The following MAP4 variants were observed in gnomAD, a reference collection of about 807,000 sequenced individuals.
MAP4 encodes microtubule associated protein 4.
Under a neutral mutation model 170.2 loss-of-function variants are expected in MAP4, and 76 were observed. The observed-to-expected ratio is 0.45, with a 90% CI of 0.37 to 0.54. The LOEUF is 0.54. Ranked by LOEUF, MAP4 falls within the 20% of genes least tolerant of loss-of-function variation. The probability of loss-of-function intolerance (pLI) is 0.00; values close to 1 mark genes in which losing one functional copy is unlikely to be tolerated. For missense variants in MAP4, 2,506 were observed against 2,748.0 expected (o/e 0.91, Z 1.97); for synonymous variants, 909 against 994.5 (o/e 0.91, Z 1.62).
At chr3:48,034,998 G>C (rs1203378058) in intron 1 of MAP4, among the ~76,000 whole-genome samples, 3 of 152,070 alleles carry the variant, frequency 2.0e-5, no homozygotes, top group Non-Finnish European at 4.4e-5. Flanking sequence ...GGGAGACAGA[G>C]AGTGAGACAC....
intron 1 of MAP4, among the ~76,000 whole-genome samples, chr3:48,044,857 G>A (rs921672724): frequency 6.6e-5 from 10 of 152,088 alleles, no homozygotes; most frequent in African/African-American, 2.2e-4. Context: ...GCTGAGGCAG[G>A]AGAATTGCTT....
chr3:48,037,675 G>A (rs1416389670), intron 1 of MAP4, among the ~76,000 whole-genome samples: 1 of 152,064 alleles, frequency 6.6e-6, no homozygotes, highest in African/African-American at 2.4e-5. Flanking sequence ...GATTACAGGT[G>A]TGAACCACAG....
intron 1 of MAP4, among the ~76,000 whole-genome samples, chr3:48,066,892 G>A (rs1450496293): frequency 3.3e-5 from 4 of 121,980 alleles, no homozygotes; most frequent in South Asian, 5.4e-4. Context: ...CCAGGCTGGA[G>A]AGCAGTGGTA....
intron 1 of MAP4, among the ~76,000 whole-genome samples, chr3:48,006,411 T>G: frequency 6.6e-6 from 1 of 152,120 alleles, no homozygotes; most frequent in East Asian, 1.9e-4. Context: ...AACTAGGGGC[T>G]CATGGAAGTC....
intron 1 of MAP4, among the ~76,000 whole-genome samples, chr3:48,070,473 TTC>T (rs763300102): frequency 6.6e-6 from 1 of 152,002 alleles, no homozygotes; most frequent in East Asian, 1.9e-4. Context: ...TCTTTATCTG[TTC>T]TGAGTTTTTT....
At chr3:48,011,299 C>T (rs532205070) in intron 1 of MAP4, among the ~76,000 whole-genome samples, 12 of 152,182 alleles carry the variant, frequency 7.9e-5, no homozygotes, top group African/African-American at 2.9e-4. Context: ...GAGGCCAAGG[C>T]GGGTGGATCA....
intron 3 of MAP4, 82 bp downstream of exon 3, chr3:47,977,783 T>C (rs1222101360): frequency 2.9e-5 from 27 of 924,794 alleles, no homozygotes; most frequent in Non-Finnish European, 4.0e-5. Context: ...CTTCCATTAA[T>C]AATGCTCTTC....
chr3:48,061,496 C>A (rs2100135242), intron 1 of MAP4, among the ~76,000 whole-genome samples: 2 of 152,328 alleles, frequency 1.3e-5, no homozygotes, highest in South Asian at 2.1e-4. Flanking sequence ...ACTCAGTGCT[C>A]AATGTTGCCC....
chr3:48,000,277 CATTCAA>C (rs924695905), intron 1 of MAP4, among the ~76,000 whole-genome samples: 1 of 147,480 alleles, frequency 6.8e-6, no homozygotes, highest in African/African-American at 2.5e-5. Context: ...AATTGGGCAC[CATTCAA>C]ATGCAGGGCA....
At chr3:47,942,078 T>TA (rs1305967119) in intron 3 of MAP4, among the ~76,000 whole-genome samples, 2 of 152,142 alleles carry the variant, frequency 1.3e-5, no homozygotes, top group African/African-American at 4.8e-5. Context: ...CTCACACTTC[T>TA]AGCCTCCTAC....
rs145984524 is a variant in MAP4, at chr3:47,995,531, G to A, written c.223+3107C>T. Among the ~76,000 whole-genome samples, 647 of 152,164 alleles carry A rather than the reference G, an allele frequency of 4.3e-3. 5 individuals carry two copies. Among genetic ancestry groups the A allele is most frequent in the African/African-American group, 0.014 (590 of 41,524 alleles). On this transcript the variant is annotated intron_variant, in intron 2 of 20. Coordinates refer to ENST00000683076, the MANE Select transcript of MAP4 (RefSeq NM_001385682.1). Reference sequence around the variant, plus strand: ...CTCCCAAAGTGCTGGGATTACAGGCGTGAGCCACTGCACCTGGTCTGGAGT... The same window carrying A: ...CTCCCAAAGTGCTGGGATTACAGGCATGAGCCACTGCACCTGGTCTGGAGT...
At chr3:48,050,598 T>C (rs1252265414) in intron 1 of MAP4, among the ~76,000 whole-genome samples, 1 of 141,792 alleles carries the variant, frequency 7.1e-6, no homozygotes, top group Non-Finnish European at 1.5e-5. Context: ...CAATTTATCA[T>C]AAACTTAAAA....
chr3:48,066,095 T>C (rs1165268448), intron 1 of MAP4, among the ~76,000 whole-genome samples: 1 of 152,148 alleles, frequency 6.6e-6, no homozygotes, highest in Non-Finnish European at 1.5e-5. Flanking sequence ...TATATACCTA[T>C]ATAGTATATC....
chr3:48,045,849 C>T (rs755272884), intron 1 of MAP4, among the ~76,000 whole-genome samples: 1 of 152,292 alleles, frequency 6.6e-6, no homozygotes, highest in Admixed American at 6.5e-5. Flanking sequence ...CTGCAATAGA[C>T]ATCTTTTCTA....
chr3:47,949,030 T>C (rs908553890), intron 3 of MAP4, among the ~76,000 whole-genome samples: 9 of 152,194 alleles, frequency 5.9e-5, no homozygotes, highest in African/African-American at 2.2e-4. Context: ...AGTTTTTCTT[T>C]CACTAATTTG....
chr3:48,029,157 G>A (rs548552812), intron 1 of MAP4, among the ~76,000 whole-genome samples: 3 of 151,838 alleles, frequency 2.0e-5, no homozygotes, highest in South Asian at 2.1e-4. Context: ...AATTAAATAA[G>A]CCAGGTGGGG....
At chr3:47,936,903 C>T (rs369849270) in intron 3 of MAP4, among the ~76,000 whole-genome samples, 71 of 151,558 alleles carry the variant, frequency 4.7e-4, no homozygotes, top group African/African-American at 1.6e-3. Flanking sequence ...CTGCTTGAAC[C>T]CGGGAGGTGG....
chr3:47,854,924 C>T (rs2052207936), intron 19 of MAP4, among the ~76,000 whole-genome samples: 1 of 152,224 alleles, frequency 6.6e-6, no homozygotes, highest in Non-Finnish European at 1.5e-5. Context: ...TGGTGCAGAA[C>T]CCCCGCTCGC....
intron 1 of MAP4, among the ~76,000 whole-genome samples, chr3:48,078,170 A>C (rs146273603): frequency 6.6e-6 from 1 of 152,276 alleles, no homozygotes; most frequent in African/African-American, 2.4e-5. Context: ...TTGTTTTGAC[A>C]GGGTCTTGCT....
Sources: gnomAD v4.1 joint callset for allele counts (sites outside exome capture counted in the v4.1 genomes callset) on GRCh38, gnomAD v4.1.1 for gene constraint, MANE v1.5 for transcripts, NCBI Gene and HGNC (gene_info 2026-07-23, HGNC 2026-07-21) for gene names.